ZNF607: variants seen among roughly 807,000 people sequenced by gnomAD.
The protein encoded by ZNF607 is zinc finger protein 607.
In ZNF607, 5 loss-of-function variants were observed where a neutral mutation model predicts 12.8. The ratio of observed to expected loss-of-function variants is 0.39; its 90% CI spans 0.20 to 0.82. The LOEUF is 0.82. Among genes scored for constraint, ZNF607 ranks in the 40% least tolerant of loss-of-function variants. The pLI is 0.39. For synonymous variants in ZNF607, 287 were observed against 276.2 expected, an observed-to-expected ratio of 1.04 and a Z score of -0.39; for missense variants, 851 against 859.2, an observed-to-expected ratio of 0.99 and a Z score of 0.12.
chr19:37,710,192 C>T (rs886099619), intron 2 of ZNF607, among the ~76,000 whole-genome samples: 12 of 151,366 alleles, frequency 7.9e-5, no homozygotes, highest in African/African-American at 2.2e-4. Flanking sequence ...TGGCCGGGCG[C>T]GGTGGCTCAC....
At position 37,698,827 on chromosome 19, in the gene ZNF607, T is replaced by C. The variant is rs779182113; in HGVS notation, c.1304A>G (p.His435Arg). The C allele has an allele frequency of 5.0e-6, 8 of 1,613,740 alleles. No individual in the cohort carries two copies. The highest frequency in any genetic ancestry group is 6.8e-6 in the Non-Finnish European group (8 of 1,179,788). ...ATGAATTCTGTTATGATGGGCAAGGTGTGCACGCTGACTGAAGGCCTTCCC... is the reference window on the plus strand; with the variant it reads ...ATGAATTCTGTTATGATGGGCAAGGCGTGCACGCTGACTGAAGGCCTTCCC... ...ECGKAFSQRA[H>R]LAHHNRIHTG... is the part of the protein sequence containing the mutation. Residue 435 changes from histidine to arginine, a missense_variant, in exon 5 of 5, where the codon CAC (histidine) becomes CGC (arginine). Transcript: ENST00000355202.
At chr19:37,719,208 G>C (rs2045202828) in intron 1 of ZNF607, 61 bp downstream of exon 1, 1 of 153,142 alleles carries the variant, frequency 6.5e-6, no homozygotes, top group Non-Finnish European at 1.5e-5. Context: ...AGAGCCCAGC[G>C]AAGCACGCTT....
chr19:37,697,639 G>T lies in ZNF607; in HGVS notation c.*401C>A. The T allele has an allele frequency of 8.3e-6, 3 of 360,578 alleles. No individual in the cohort carries two copies. Among genetic ancestry groups the T allele is most frequent in the Non-Finnish European group, 1.5e-5 (3 of 196,508 alleles). The allele number at this position is 360,578 out of a possible 1,614,324, so 22.3% of individuals were successfully genotyped here. On this transcript the variant is annotated 3_prime_UTR_variant, in exon 5 of 5. Coordinates refer to ENST00000355202, the MANE Select transcript of ZNF607 (RefSeq NM_032689.5). ...CCCATCATCGCTTATATCAACAGAG[G>T]TTTCCTGTGTAATGGCTTTTTCCAG...
chr19:37,703,922 G>A (rs528793246), intron 4 of ZNF607, among the ~76,000 whole-genome samples: 2 of 152,264 alleles, frequency 1.3e-5, no homozygotes, highest in African/African-American at 4.8e-5. Context: ...AGATCATGAG[G>A]TCAGGAGATC....
chr19:37,701,991 T>A (rs2385005), intron 4 of ZNF607, among the ~76,000 whole-genome samples: 39,833 of 152,018 alleles, frequency 0.26, 6,356 homozygotes, highest in Non-Finnish European at 0.37. Flanking sequence ...AGAAAAATGG[T>A]TTAAAAAATT....
chr19:37,698,307 C>G lies in ZNF607; in HGVS notation c.1824G>C (p.Glu608Asp), dbSNP rs760764494. 4 of 1,613,896 alleles carry G rather than the reference C, an allele frequency of 2.5e-6. No individual in the cohort carries two copies. The East Asian group carries it at 6.7e-5, about 27-fold the overall frequency. The stretch of plus-strand genomic sequence containing the variant: ...AGGGTTTATCACTGGTATGAATTCT[C>G]TCATGAATAATAAGATGTGAAGCAT... ...FSHASHLIIH[E>D]RIHTSDKPYE... The change falls in exon 5 of 5, where the codon GAG (glutamate) becomes GAC (aspartate). Residue 608 changes from glutamate to aspartate, a missense_variant. Physicochemically the swap from Glu to Asp is conservative, Grantham distance 45. Coordinates refer to ENST00000355202, the MANE Select transcript of ZNF607 (RefSeq NM_032689.5).
intron 1 of ZNF607, among the ~76,000 whole-genome samples, chr19:37,714,127 T>G (rs578199755): frequency 6.6e-6 from 1 of 151,958 alleles, no homozygotes; most frequent in Non-Finnish European, 1.5e-5. Flanking sequence ...CAGACCATCC[T>G]GGCTAACACA....
chr19:37,717,470 C>A (rs111268721), intron 1 of ZNF607, among the ~76,000 whole-genome samples: 5,296 of 151,982 alleles, frequency 0.035, 323 homozygotes, highest in African/African-American at 0.12. Context: ...CAGGCGGAAG[C>A]CACTGTGCCA....
chr19:37,716,261 T>C (rs1247081538), intron 1 of ZNF607, among the ~76,000 whole-genome samples: 1 of 152,108 alleles, frequency 6.6e-6, no homozygotes, highest in Non-Finnish European at 1.5e-5. Flanking sequence ...AAAAAAAAAT[T>C]GATTGGTGAC....
Position 37,707,982 on chromosome 19 carries a change from ATT to A in ZNF607, c.165_166del (p.Leu55PhefsTer30). 1.9e-6 allele frequency: 3 copies of A among 1,613,908 alleles called. No homozygotes were observed. Among genetic ancestry groups the A allele is most frequent in the Non-Finnish European group, 2.5e-6 (3 of 1,179,936 alleles). ...CTCTTTTCCTTGCTCCAATAAGGTGATTAAATCTGGCTTAGATACGGAATGTC... is the reference window on the plus strand; with the variant it reads ...CTCTTTTCCTTGCTCCAATAAGGTGAAAATCTGGCTTAGATACGGAATGTC... On this transcript the variant is annotated frameshift_variant, in exon 4 of 5. Transcript: ENST00000355202. LOFTEE classifies it high-confidence loss of function.
chr19:37,715,034 G>C (rs1034736773), intron 1 of ZNF607, among the ~76,000 whole-genome samples: 1 of 151,898 alleles, frequency 6.6e-6, no homozygotes, highest in African/African-American at 2.4e-5. Flanking sequence ...AGCTCTCCGA[G>C]TAGCTGGAAC....
In ZNF607 at chr19:37,697,963, A is replaced by G. The variant is rs2044991185; in HGVS notation, c.*77T>C. On this transcript the variant is annotated 3_prime_UTR_variant, in exon 5 of 5. Transcript: ENST00000355202. ...CTCAAAGCCATTCCACATTGTCTTC[A>G]TTCAAATTGTTCAGTGGGATAAATC... The G allele has an allele frequency of 7.3e-7, 1 of 1,378,986 alleles. No homozygotes were observed. Among genetic ancestry groups the G allele is most frequent in the Admixed American group, 2.3e-5 (1 of 43,556 alleles). 85.4% of individuals were successfully genotyped at this position (1,378,986 alleles called of 1,614,324 possible).
intron 1 of ZNF607, among the ~76,000 whole-genome samples, chr19:37,716,974 A>G (rs1274802292): frequency 1.3e-5 from 2 of 152,178 alleles, no homozygotes; most frequent in Non-Finnish European, 2.9e-5. Flanking sequence ...AATTCACTAT[A>G]AAGATTCTTT....
chr19:37,699,885 T>C lies in ZNF607; in HGVS notation c.246A>G (p.Ser82=). ...TCCCATCGCTGATTATTTCACATCT[T>C]GAATCCAAATCTAGAAGACATAAAA... ...ETRGECTDLD[S]RCEIISDGKM... The change falls in exon 5 of 5, where the codon TCA becomes TCG. Residue 82 remains serine (S), a synonymous_variant. Coordinates refer to ENST00000355202, the MANE Select transcript of ZNF607 (RefSeq NM_032689.5). 1 of 1,585,732 alleles carries C rather than the reference T, an allele frequency of 6.3e-7. No homozygotes were observed. The highest frequency in any genetic ancestry group is 8.6e-7 in the Non-Finnish European group (1 of 1,167,984).
chr19:37,715,099 G>C (rs980084410), intron 1 of ZNF607, among the ~76,000 whole-genome samples: 3 of 151,592 alleles, frequency 2.0e-5, no homozygotes, highest in Non-Finnish European at 4.4e-5. Context: ...GAAGAGATGG[G>C]CTTTCACTAT....
chr19:37,712,964 T>C (rs1313436483), intron 1 of ZNF607, among the ~76,000 whole-genome samples: 1 of 152,128 alleles, frequency 6.6e-6, no homozygotes, highest in Non-Finnish European at 1.5e-5. Context: ...GAATGGATGA[T>C]GGTCTCAATA....
chr19:37,714,340 A>ACAACAACAGCAGAAG (rs546794308), intron 1 of ZNF607, among the ~76,000 whole-genome samples: 1 of 148,210 alleles, frequency 6.7e-6, no homozygotes, highest in South Asian at 2.2e-4. Flanking sequence ...AACAACAACA[A>ACAACAACAGCAGAAG]CAGCAGCAGC....
intron 1 of ZNF607, among the ~76,000 whole-genome samples, chr19:37,717,902 T>C (rs2045192094): frequency 6.6e-6 from 1 of 151,952 alleles, no homozygotes; most frequent in Non-Finnish European, 1.5e-5. Flanking sequence ...GTGTTAAACA[T>C]TAGATCACAG....
In ZNF607 at chr19:37,719,381, G is replaced by C. The variant is rs1274905440; in HGVS notation, c.-187C>G. 1 of 152,838 alleles carries C rather than the reference G, an allele frequency of 6.5e-6. No homozygotes were observed. Among genetic ancestry groups the C allele is most frequent in the Non-Finnish European group, 1.5e-5 (1 of 68,190 alleles). The allele number at this position is 152,838 out of a possible 1,614,324, so 9.5% of individuals were successfully genotyped here. ...CCTAGAGACGGGCCCCTCCTCCGCA[G>C]CTCCAGCACCCTAGGGCCTGAGGAG... On this transcript the variant is annotated 5_prime_UTR_variant, in exon 1 of 5. Coordinates refer to ENST00000355202, the MANE Select transcript of ZNF607 (RefSeq NM_032689.5).
Sources: allele counts gnomAD v4.1 joint callset (sites outside exome capture counted in the v4.1 genomes callset), GRCh38; gene constraint gnomAD v4.1.1; transcripts MANE v1.5; gene names NCBI Gene and HGNC (gene_info 2026-07-23, HGNC 2026-07-21).